The following GNAS variants were observed in gnomAD, a reference collection of about 807,000 sequenced individuals.
The protein encoded by GNAS is GNAS complex locus, also known as protein ALEX.
A neutral mutation model predicts 54.5 loss-of-function variants in GNAS; 8 were observed. That is an observed-to-expected ratio of 0.15 (90% CI 0.09 to 0.26). The LOEUF (loss-of-function observed/expected upper bound fraction) is 0.26. Among genes scored for constraint, GNAS ranks in the 10% least tolerant of loss-of-function variants. GNAS has a pLI of 1.00. For synonymous variants in GNAS, 204 were observed against 191.4 expected (o/e 1.07, Z -0.54); for missense variants, 170 against 529.8 (o/e 0.32, Z 6.67).
In GNAS at chr20:58,841,161, G is replaced by A. The variant is rs1256388808; in HGVS notation, c.43+275G>A. Among the ~76,000 whole-genome samples, 1 of 152,128 alleles carries A rather than the reference G, an allele frequency of 6.6e-6. No homozygotes were observed. The highest frequency in any genetic ancestry group is 1.9e-4 in the East Asian group (1 of 5,158). On this transcript the variant is annotated intron_variant, in intron 1 of 12. Transcript: ENST00000306090. This position sits in a 1 kb window ranked among gnomAD's most constrained non-coding sequence, Gnocchi z 5.0. ...CCTGAGGTCTCCGAGCTGGTGCCCC[G>A]GCTACGCGACTGAATCCCGAACGCA...
chr20:58,909,245 C>A lies in GNAS; in HGVS notation c.585+29C>A. 4.4e-6 allele frequency: 7 copies of A among 1,602,408 alleles called. No homozygotes were observed. Among genetic ancestry groups the A allele is most frequent in the Non-Finnish European group, 5.1e-6 (6 of 1,169,348 alleles). On this transcript the variant is annotated intron_variant, in intron 7 of 12. Transcript: ENST00000371085. The surrounding 1 kb of genome is among the most constrained non-coding windows in gnomAD (Gnocchi z 7.3). ...TGCAAAACCCCTCCCCACCAGAGGA[C>A]TCTGAGCCCTCTTTCCAAACTACTC...
intron 1 of GNAS, among the ~76,000 whole-genome samples, chr20:58,861,265 C>T (rs2086768989): frequency 6.6e-6 from 1 of 152,150 alleles, no homozygotes; most frequent in Admixed American, 6.5e-5. Context: ...TCAAATTTCT[C>T]AGGAGGAGTA....
chr20:58,889,189 G>A (rs1182433757), upstream of GNAS: 4 of 1,216,074 alleles, frequency 3.3e-6, no homozygotes, highest in Non-Finnish European at 2.1e-6. Context: ...CAGTCGCGTC[G>A]GCACCGCGGA....
At chr20:58,903,479 CCTAA>C (rs779642279) in intron 3 of GNAS, 48 bp from the exon 4 acceptor site, 4 of 1,426,650 alleles carry the variant, frequency 2.8e-6, no homozygotes, top group African/African-American at 1.4e-5. Flanking sequence ...AAGCAGTACT[CCTAA>C]CTGACATGGT....
intron 1 of GNAS, among the ~76,000 whole-genome samples, chr20:58,883,404 C>T (rs1000754371): frequency 1.3e-5 from 2 of 152,174 alleles, no homozygotes; most frequent in East Asian, 3.9e-4. Context: ...CAGAGGCAGC[C>T]TTCCCAGTAT....
chr20:58,871,711 AGAAG>A (rs1474803858), intron 1 of GNAS, among the ~76,000 whole-genome samples: 1 of 146,514 alleles, frequency 6.8e-6, no homozygotes, highest in African/African-American at 2.5e-5. Flanking sequence ...GAAGGAAGGA[AGAAG>A]GAAGGGAGGG....
At chr20:58,893,331 G>GA (rs946879997) in intron 1 of GNAS, among the ~76,000 whole-genome samples, 2 of 151,660 alleles carry the variant, frequency 1.3e-5, no homozygotes, top group South Asian at 2.1e-4. Context: ...TGTTTTGGGG[G>GA]AAAAAAATGT....
In GNAS at chr20:58,891,769, G is replaced by A; in HGVS notation, c.43G>A (p.Glu15Lys). 1 of 1,271,888 alleles carries A rather than the reference G, an allele frequency of 7.9e-7. No individual in the cohort carries two copies. Among genetic ancestry groups the A allele is most frequent in the Non-Finnish European group, 1.0e-6 (1 of 968,584 alleles). The allele number at this position is 1,271,888 out of a possible 1,614,324, so 78.8% of individuals were successfully genotyped here. Reference protein sequence around the residue: ...GNSKTEDQRNEEKAQREANKK... With the variant: ...GNSKTEDQRNKEKAQREANKK... The stretch of plus-strand genomic sequence containing the variant: ...CAGTAAGACCGAGGACCAGCGCAAC[G>A]AGGAGAAGGCGCAGCGTGAGGCCAA... The change falls in exon 1 of 13, where the codon GAG (glutamate) becomes AAG (lysine). Residue 15 changes from glutamate to lysine, a missense_variant. This residue lies in a region of GNAS where 56 missense variants were observed against 55.7 expected (regional missense o/e 1.01). Coordinates refer to ENST00000371085, the MANE Select transcript of GNAS (RefSeq NM_000516.7).
At chr20:58,892,217 TTGGGGA>T in intron 1 of GNAS, 3 of 968,816 alleles carry the variant, frequency 3.1e-6, no homozygotes, top group Non-Finnish European at 3.7e-6. Context: ...TGGGTGCGTG[TTGGGGA>T]GGGGGAGGGG....
rs2146289878 is a variant in GNAS at position 58,909,963 on chromosome 20, C to T, written c.852C>T (p.Thr284=). 1 of 1,614,068 alleles carries T rather than the reference C, an allele frequency of 6.2e-7. No homozygotes were observed. The highest frequency in any genetic ancestry group is 8.5e-7 in the Non-Finnish European group (1 of 1,179,898). ...TCCCTTCTTGTAGATGGCTGCGCAC[C>T]ATCTCTGTGATCCTGTTCCTCAACA... ...KSIWNNRWLR[T]ISVILFLNKQ... The change falls in exon 11 of 13, where the codon ACC becomes ACT. Residue 284 remains threonine, a synonymous_variant. Transcript: ENST00000371085. The surrounding 1 kb of genome is among the most constrained non-coding windows in gnomAD (Gnocchi z 7.3).
intron 1 of GNAS, among the ~76,000 whole-genome samples, chr20:58,848,698 G>A (rs541809451): frequency 1.3e-5 from 2 of 152,172 alleles, no homozygotes; most frequent in South Asian, 4.2e-4. Context: ...AACCAATCAG[G>A]CCAATCAAGG....
chr20:58,890,762 C>G (rs1008386354), upstream of GNAS: 1 of 152,318 alleles, frequency 6.6e-6, no homozygotes, highest in African/African-American at 2.4e-5. Context: ...CCCGCCACCG[C>G]CACCAGACAC....
intron 1 of GNAS, chr20:58,855,374 G>A: frequency 6.5e-7 from 1 of 1,539,486 alleles, no homozygotes; most frequent in South Asian, 1.2e-5. Flanking sequence ...AGGGCCGCCG[G>A]GGAACCGGGG....
intron 1 of GNAS, chr20:58,855,780 A>T: frequency 1.6e-6 from 1 of 612,972 alleles, no homozygotes; most frequent in Non-Finnish European, 2.9e-6. Context: ...GGACTCAGAC[A>T]GCTTGTCGTT....
Position 58,854,982 on chromosome 20 carries a change from G to A in GNAS, c.43+14096G>A, listed in dbSNP as rs2086397760. ...CTACGATGAAGGGGTGGCCAGCAGC[G>A]ACGATGACTCCAGCGGAGACGAGTC... On this transcript the variant is annotated intron_variant, in intron 1 of 12. Coordinates refer to the GNAS transcript ENST00000306090. The A allele has an allele frequency of 5.6e-6, 9 of 1,612,304 alleles. No homozygotes were observed. The East Asian group carries it at 1.6e-4, about 28-fold the overall frequency.
At chr20:58,903,870 C>CCTG in intron 5 of GNAS, 79 bp downstream of exon 5, 1 of 1,472,542 alleles carries the variant, frequency 6.8e-7, no homozygotes, top group South Asian at 1.1e-5. Flanking sequence ...GAGTGACAGC[C>CCTG]CTGCACATGG....
intron 5 of GNAS, among the ~76,000 whole-genome samples, chr20:58,903,998 T>C (rs2090871711): frequency 6.6e-6 from 1 of 152,254 alleles, no homozygotes; most frequent in African/African-American, 2.4e-5. Context: ...AGGGCTTTGT[T>C]CAAGATGGAT....
At chr20:58,848,950 G>A in intron 1 of GNAS, 1 of 398,458 alleles carries the variant, frequency 2.5e-6, no homozygotes, top group Non-Finnish European at 4.4e-6. Context: ...GAAAAAAGGG[G>A]GAATATCAGG....
chr20:58,879,635 A>T (rs915227262), intron 1 of GNAS, among the ~76,000 whole-genome samples: 7 of 152,170 alleles, frequency 4.6e-5, no homozygotes, highest in African/African-American at 1.4e-4. Flanking sequence ...GTGCGGAAGG[A>T]AGGGTACACA....
Sources: allele counts gnomAD v4.1 joint callset (sites outside exome capture counted in the v4.1 genomes callset), GRCh38; gene constraint gnomAD v4.1.1; regional missense constraint gnomAD v4.1.1; non-coding constraint Gnocchi (gnomAD v3.1); transcripts MANE v1.5; gene names NCBI Gene and HGNC (gene_info 2026-07-23, HGNC 2026-07-21).